The following KLHL32 variants were observed in gnomAD, a reference collection of about 807,000 sequenced individuals.
The protein encoded by KLHL32 is kelch like family member 32, also known as kelch-like protein 32.
Under a neutral mutation model 64.8 loss-of-function variants are expected in KLHL32, and 35 were observed. That is an observed-to-expected ratio of 0.54 (90% CI 0.41 to 0.72). The LOEUF (loss-of-function observed/expected upper bound fraction) is 0.72. KLHL32 is among the 30% of genes least tolerant of loss of function. KLHL32 has a pLI of 0.00. For synonymous variants in KLHL32, 259 were observed against 281.0 expected, an observed-to-expected ratio of 0.92 and a Z score of 0.78; for missense variants, 589 against 768.5, an observed-to-expected ratio of 0.77 and a Z score of 2.76.
chr6:97,057,561 C>T (rs971936853), intron 4 of KLHL32, among the ~76,000 whole-genome samples: 3 of 146,762 alleles, frequency 2.0e-5, no homozygotes, highest in African/African-American at 5.2e-5. Context: ...CCCCCTCCCG[C>T]CCCCATTTCA....
intron 4 of KLHL32, among the ~76,000 whole-genome samples, chr6:97,044,609 T>C (rs951786833): frequency 6.6e-6 from 1 of 152,122 alleles, no homozygotes; most frequent in Non-Finnish European, 1.5e-5. Context: ...TTTGGTAGAA[T>C]TCTGCTGTGA....
intron 6 of KLHL32, among the ~76,000 whole-genome samples, chr6:97,086,136 C>A (rs574255595): frequency 1.3e-5 from 2 of 152,216 alleles, no homozygotes; most frequent in African/African-American, 4.8e-5. Context: ...GGGTGCCATG[C>A]CTCCAAGATT....
At chr6:96,949,331 G>A (rs1258014770) in intron 1 of KLHL32, among the ~76,000 whole-genome samples, 2 of 151,898 alleles carry the variant, frequency 1.3e-5, no homozygotes, top group Non-Finnish European at 2.9e-5. Context: ...ATTCTAGTTA[G>A]TCAGTTTTCT....
chr6:97,082,134 A>G (rs1792634320), intron 5 of KLHL32, among the ~76,000 whole-genome samples: 1 of 152,232 alleles, frequency 6.6e-6, no homozygotes, highest in African/African-American at 2.4e-5. Context: ...CACTGTTGCA[A>G]GAAGTCCAGA....
intron 3 of KLHL32, among the ~76,000 whole-genome samples, chr6:97,031,661 G>T (rs1021773040): frequency 6.6e-6 from 1 of 152,088 alleles, no homozygotes; most frequent in Non-Finnish European, 1.5e-5. Flanking sequence ...AAAACAGTAT[G>T]ATGTGATGTC....
intron 3 of KLHL32, among the ~76,000 whole-genome samples, chr6:97,024,814 AT>A (rs1299125373): frequency 1.2e-4 from 18 of 152,150 alleles, no homozygotes; most frequent in South Asian, 4.1e-4. Flanking sequence ...AATAGCTAAC[AT>A]TTTTTATCAT....
In KLHL32 at chr6:97,097,872, A is replaced by G. The variant is rs1175574070; in HGVS notation, c.627+12531A>G. Among the ~76,000 whole-genome samples, 4 of 152,224 alleles carry G rather than the reference A, an allele frequency of 2.6e-5. No homozygotes were observed. In the East Asian group the frequency reaches 5.8e-4, roughly 22 times the overall value. On this transcript the variant is annotated intron_variant, in intron 6 of 10. Transcript: ENST00000369261. ...TTCTGCCCTGTTTCGCACAGTAACC[A>G]GCAAATGCAGTAAATTCAAAATGGG...
At chr6:96,990,736 G>C (rs1442075882) in intron 3 of KLHL32, among the ~76,000 whole-genome samples, 1 of 151,752 alleles carries the variant, frequency 6.6e-6, no homozygotes, top group Non-Finnish European at 1.5e-5. Flanking sequence ...TTGGGCAGCT[G>C]TGTTATGGGC....
chr6:97,043,602 T>C (rs918370427), intron 4 of KLHL32, among the ~76,000 whole-genome samples: 3 of 152,190 alleles, frequency 2.0e-5, no homozygotes, highest in Non-Finnish European at 4.4e-5. Context: ...CTGGTTCATA[T>C]GGTAATTTTA....
chr6:97,110,976 A>T (rs1485346408), intron 6 of KLHL32, among the ~76,000 whole-genome samples: 1 of 151,608 alleles, frequency 6.6e-6, no homozygotes, highest in East Asian at 2.0e-4. Context: ...AAGAACAGAT[A>T]AGGAGCCATT....
chr6:96,912,992 G>C, the KLHL32 span, among the ~76,000 whole-genome samples: 3 of 152,132 alleles, frequency 2.0e-5, no homozygotes, highest in African/African-American at 7.2e-5. Context: ...ATTTTTTGTT[G>C]TCTGAATGAA....
chr6:97,107,861 C>G (rs551689808), intron 6 of KLHL32, among the ~76,000 whole-genome samples: 1 of 152,226 alleles, frequency 6.6e-6, no homozygotes, highest in Middle Eastern at 3.4e-3. Context: ...GCCTAAAAAC[C>G]GAATTTTCCA....
intron 6 of KLHL32, among the ~76,000 whole-genome samples, chr6:97,095,337 G>A (rs1794832972): frequency 6.6e-6 from 1 of 152,164 alleles, no homozygotes; most frequent in East Asian, 1.9e-4. Flanking sequence ...AAATAATGAA[G>A]TAAACAAAGG....
chr6:97,038,264 A>G (rs1427758031), intron 3 of KLHL32, among the ~76,000 whole-genome samples: 7 of 152,180 alleles, frequency 4.6e-5, no homozygotes, highest in Non-Finnish European at 1.0e-4. Context: ...AATATTTGTA[A>G]ACTACCATCT....
upstream of KLHL32, among the ~76,000 whole-genome samples, chr6:96,921,713 C>T (rs961744167): frequency 6.6e-6 from 1 of 152,174 alleles, no homozygotes; most frequent in Non-Finnish European, 1.5e-5. Context: ...TATGACATAG[C>T]TCTCTTTCAT....
chr6:96,992,014 G>GAGCTCT (rs1777935830), intron 3 of KLHL32, among the ~76,000 whole-genome samples: 1 of 152,218 alleles, frequency 6.6e-6, no homozygotes, highest in African/African-American at 2.4e-5. Flanking sequence ...CGGCCTGCCT[G>GAGCTCT]CGACCCGAGA....
rs573699081 is a variant in KLHL32, at chr6:97,099,003, C to T, written c.627+13662C>T. 6.6e-5 allele frequency among the ~76,000 whole-genome samples: 10 copies of T among 152,292 alleles called. No homozygotes were observed. In the South Asian group the frequency reaches 1.2e-3, roughly 19 times the overall value. ...AATGAATTATTTTATCTTATAGGTT[C>T]GCTATGTTTTTAAAGTAATGGGACT... On this transcript the variant is annotated intron_variant, in intron 6 of 10. Coordinates refer to ENST00000369261, the MANE Select transcript of KLHL32 (RefSeq NM_052904.4).
chr6:96,934,729 CATAAG>C (rs1368499316), intron 1 of KLHL32, among the ~76,000 whole-genome samples: 1 of 152,198 alleles, frequency 6.6e-6, no homozygotes, highest in African/African-American at 2.4e-5. Flanking sequence ...TACATTTCTG[CATAAG>C]ATAAAACTAA....
the KLHL32 span, among the ~76,000 whole-genome samples, chr6:96,899,229 C>T: frequency 0.011 from 1,738 of 152,208 alleles, 27 homozygotes; most frequent in African/African-American, 0.04. Context: ...ATAGCATTAA[C>T]TGGGAAGTTA....
Sources: gnomAD v4.1 joint callset for allele counts (sites outside exome capture counted in the v4.1 genomes callset) on GRCh38, gnomAD v4.1.1 for gene constraint, MANE v1.5 for transcripts, NCBI Gene and HGNC (gene_info 2026-07-23, HGNC 2026-07-21) for gene names.